COG6: variants seen among roughly 807,000 people sequenced by gnomAD.
COG6 encodes conserved oligomeric Golgi complex subunit 6.
COG6 carries 74 observed loss-of-function variants against 88.8 expected under a neutral mutation model. The observed-to-expected ratio is 0.83, with a 90% CI of 0.69 to 1.01. The LOEUF is 1.01. COG6 is among the 50% of genes least tolerant of loss of function. COG6 has a pLI of 0.00. For missense variants in COG6, 800 were observed against 797.9 expected, an observed-to-expected ratio of 1.00 and a Z score of -0.03; for synonymous variants, 286 against 278.7, an observed-to-expected ratio of 1.03 and a Z score of -0.26.
exon 19 of COG6, chr13:39,788,796 C>CCATTATTAACT: frequency 6.4e-6 from 1 of 156,198 alleles, no homozygotes; most frequent in African/African-American, 2.4e-5. Flanking sequence ...CCCTAAAAAT[C>CCATTATTAACT]CATTATTAAC....
chr13:39,778,249 CTAAT>C (rs1051694933), intron 18 of COG6, among the ~76,000 whole-genome samples: 11 of 152,108 alleles, frequency 7.2e-5, no homozygotes, highest in African/African-American at 2.4e-4. Flanking sequence ...TATAATCTGA[CTAAT>C]TATAATTGTA....
chr13:39,703,566 A>G (rs1045818512), intron 13 of COG6, among the ~76,000 whole-genome samples: 8 of 152,090 alleles, frequency 5.3e-5, no homozygotes, highest in Non-Finnish European at 1.2e-4. Flanking sequence ...TAATTTTTTT[A>G]TAGTTCAATA....
At chr13:39,735,065 C>G (rs1288869967) in intron 18 of COG6, among the ~76,000 whole-genome samples, 2 of 151,930 alleles carry the variant, frequency 1.3e-5, no homozygotes, top group African/African-American at 2.4e-5. Flanking sequence ...TTCAACCACT[C>G]TGTGACTTTT....
chr13:39,679,281 T>A, intron 5 of COG6: 1 of 450,268 alleles, frequency 2.2e-6, no homozygotes, highest in South Asian at 2.7e-5. Flanking sequence ...TTTGTCTTTA[T>A]AAATTTTATT....
chr13:39,741,110 A>T (rs866560091), intron 18 of COG6, among the ~76,000 whole-genome samples: 3 of 152,304 alleles, frequency 2.0e-5, no homozygotes, highest in Middle Eastern at 3.4e-3. Flanking sequence ...TTCAGTTTTA[A>T]ATAATTATTT....
chr13:39,682,290 A>C, intron 8 of COG6, 26 bp downstream of exon 8: 1 of 1,374,436 alleles, frequency 7.3e-7, no homozygotes, highest in South Asian at 1.2e-5. Flanking sequence ...TTAATTAAAA[A>C]TGAAAGCCTA....
chr13:39,737,953 T>TA (rs1879850734), intron 18 of COG6, among the ~76,000 whole-genome samples: 1 of 152,160 alleles, frequency 6.6e-6, no homozygotes, highest in South Asian at 2.1e-4. Context: ...ATTCCAGTGC[T>TA]ACGTCCCACA....
At chr13:39,738,955 C>T (rs1054825817) in intron 18 of COG6, among the ~76,000 whole-genome samples, 27 of 152,010 alleles carry the variant, frequency 1.8e-4, no homozygotes, top group African/African-American at 6.5e-4. Context: ...GCATAGTCCT[C>T]TCAGTAATTG....
chr13:39,761,142 C>T (rs1880997576), intron 18 of COG6, among the ~76,000 whole-genome samples: 1 of 151,884 alleles, frequency 6.6e-6, no homozygotes, highest in South Asian at 2.1e-4. Flanking sequence ...CAAATCACAG[C>T]ATGTCAAAAT....
At chr13:39,752,752 C>G, downstream of COG6, 1 of 878,384 alleles carries the variant, frequency 1.1e-6, no homozygotes, top group Admixed American at 4.7e-5. Context: ...GTGAAAGACT[C>G]ACAGGAAAAA....
intron 18 of COG6, among the ~76,000 whole-genome samples, chr13:39,750,431 T>C (rs1203065464): frequency 3.3e-5 from 5 of 152,178 alleles, no homozygotes; most frequent in Admixed American, 3.3e-4. Flanking sequence ...AGTGTCACAT[T>C]TTAGCTTGGG....
chr13:39,721,673 T>G (rs1350367423), intron 15 of COG6, among the ~76,000 whole-genome samples: 2 of 152,116 alleles, frequency 1.3e-5, no homozygotes, highest in African/African-American at 4.8e-5. Flanking sequence ...TGTGAAGGTG[T>G]GGTTTATCAC....
At chr13:39,764,849 C>G (rs962831592) in intron 18 of COG6, among the ~76,000 whole-genome samples, 1 of 152,038 alleles carries the variant, frequency 6.6e-6, no homozygotes, top group African/African-American at 2.4e-5. Context: ...GGGTGCAGTG[C>G]TCTGCATATG....
intron 5 of COG6, chr13:39,678,189 C>T: frequency 5.6e-6 from 2 of 354,858 alleles, no homozygotes; most frequent in South Asian, 4.4e-5. Context: ...ATCTCAGCCT[C>T]CCAGGTAGCT....
chr13:39,776,412 G>T (rs1881465151), intron 18 of COG6, among the ~76,000 whole-genome samples: 1 of 152,118 alleles, frequency 6.6e-6, no homozygotes, highest in Non-Finnish European at 1.5e-5. Context: ...AGAATAATCA[G>T]GTTTTGTCAA....
intron 8 of COG6, among the ~76,000 whole-genome samples, chr13:39,683,039 T>G (rs1876407144): frequency 6.6e-6 from 1 of 152,156 alleles, no homozygotes; most frequent in South Asian, 2.1e-4. Flanking sequence ...ACTTTCTGAT[T>G]GGAACACTAC....
At chr13:39,724,375 T>G (rs1036100531) in intron 16 of COG6, 133 bp from the exon 17 acceptor site, 23 of 673,238 alleles carry the variant, frequency 3.4e-5, no homozygotes, top group Non-Finnish European at 5.8e-5. Context: ...TACACTTGAG[T>G]TCTTTGGAAA....
chr13:39,692,553 G>A (rs1352140798), intron 11 of COG6, among the ~76,000 whole-genome samples: 1 of 152,042 alleles, frequency 6.6e-6, no homozygotes, highest in Non-Finnish European at 1.5e-5. Flanking sequence ...CTGAGCAGCT[G>A]TCTGTGATAT....
intron 4 of COG6, among the ~76,000 whole-genome samples, chr13:39,667,130 T>A (rs575272157): frequency 1.5e-4 from 23 of 152,216 alleles, no homozygotes; most frequent in African/African-American, 5.3e-4. Context: ...GAAAAAAGAG[T>A]TTGACAGCAG....
Sources: gnomAD v4.1 joint callset for allele counts (sites outside exome capture counted in the v4.1 genomes callset) on GRCh38, gnomAD v4.1.1 for gene constraint, MANE v1.5 for transcripts, NCBI Gene and HGNC (gene_info 2026-07-23, HGNC 2026-07-21) for gene names.